BLOC1S2: variants seen among roughly 807,000 people sequenced by gnomAD.
BLOC1S2 encodes biogenesis of lysosomal organelles complex 1 subunit 2, also known as biogenesis of lysosome-related organelles complex 1 subunit 2.
In BLOC1S2, 12 loss-of-function variants were observed where a neutral mutation model predicts 19.6. The observed-to-expected ratio is 0.61, with a 90% CI of 0.39 to 0.99. BLOC1S2 has a LOEUF of 0.99. Ranked by LOEUF, BLOC1S2 falls within the 50% of genes least tolerant of loss-of-function variation. The pLI is 0.00. For missense variants in BLOC1S2, 142 were observed against 171.0 expected (o/e 0.83, Z 0.95); for synonymous variants, 66 against 64.1 (o/e 1.03, Z -0.14).
At chr10:100,281,693 A>AAATAT (rs71013438) in intron 2 of BLOC1S2, among the ~76,000 whole-genome samples, 44,927 of 138,370 alleles carry the variant, frequency 0.32, 8,083 homozygotes, top group Non-Finnish European at 0.4. Flanking sequence ...AAAAAAAAAA[A>AAATAT]ATATATATAT....
chr10:100,282,564 A>G lies in BLOC1S2; in HGVS notation c.173-1511T>C, dbSNP rs12256411. Among the ~76,000 whole-genome samples, 310 of 152,284 alleles carry G rather than the reference A, an allele frequency of 2.0e-3. 1 individual carries two copies. The highest frequency in any genetic ancestry group is 7.1e-3 in the African/African-American group (297 of 41,552). On this transcript the variant is annotated intron_variant, in intron 2 of 4. Transcript: ENST00000370372. ...TCTAATCTCTAACTGCTCTTCTTAG[A>G]TGTCTATGCCAGATGCTTTCTTATC... is the stretch of plus-strand genomic sequence containing the variant.
chr10:100,278,809 T>TAAAA (rs71013437), intron 4 of BLOC1S2, among the ~76,000 whole-genome samples: 1 of 137,788 alleles, frequency 7.3e-6, no homozygotes, highest in Non-Finnish European at 1.6e-5. Context: ...GAATGATCAA[T>TAAAA]AAAAAAAAAA....
intron 2 of BLOC1S2, 146 bp from the exon 3 acceptor site, chr10:100,281,199 C>A: frequency 1.1e-6 from 1 of 921,152 alleles, no homozygotes; most frequent in Admixed American, 2.8e-5. Context: ...ATTTATAACT[C>A]AGCCTATGTA....
intron 2 of BLOC1S2, among the ~76,000 whole-genome samples, chr10:100,283,668 C>G (rs1222182739): frequency 6.6e-6 from 1 of 152,032 alleles, no homozygotes; most frequent in African/African-American, 2.4e-5. Context: ...GTCAGGAGTT[C>G]AAGTCCAGCC....
chr10:100,274,460 AATG>A lies in BLOC1S2; in HGVS notation c.*999_*1001del, dbSNP rs1847802580. 6.6e-6 allele frequency: 1 copy of A among 152,478 alleles called. No homozygotes were observed. The highest frequency in any genetic ancestry group is 6.5e-5 in the Admixed American group (1 of 15,272). 9.4% of individuals were successfully genotyped at this position (152,478 alleles called of 1,614,324 possible). ...AACAGTCCAGGAAGAACAGAGGATA[AATG>A]ATGACTGTCTGGAACAGAGGGGAAA... On this transcript the variant is annotated 3_prime_UTR_variant, in exon 5 of 5. Transcript: ENST00000370372.
chr10:100,286,663 G>C lies in BLOC1S2; in HGVS notation c.-4C>G, dbSNP rs775132211. On this transcript the variant is annotated 5_prime_UTR_variant, in exon 1 of 5. Transcript: ENST00000370372. ...CGCCCTCGGCTGCCGCCGCCATAGC[G>C]GACCCCGCGCTGTTTCCGGGCCGGG... The C allele has an allele frequency of 8.7e-6, 14 of 1,610,098 alleles. No homozygotes were observed. Among genetic ancestry groups the C allele is most frequent in the African/African-American group, 1.3e-5 (1 of 74,950 alleles).
chr10:100,281,705 T>TATATACACACACAC (rs1370530311), intron 2 of BLOC1S2, among the ~76,000 whole-genome samples: 32 of 69,878 alleles, frequency 4.6e-4, no homozygotes, highest in South Asian at 1.2e-3. Flanking sequence ...TATATATATA[T>TATATACACACACAC]ACACATACAC....
intron 4 of BLOC1S2, among the ~76,000 whole-genome samples, chr10:100,278,232 C>T (rs1847994114): frequency 6.6e-6 from 1 of 151,618 alleles, no homozygotes; most frequent in African/African-American, 2.4e-5. Flanking sequence ...CCCCGCCTGG[C>T]CAGCCACCCG....
chr10:100,284,280 C>T (rs780367878), intron 2 of BLOC1S2, among the ~76,000 whole-genome samples: 3 of 152,226 alleles, frequency 2.0e-5, no homozygotes, highest in Non-Finnish European at 4.4e-5. Flanking sequence ...GGGCTAGTAG[C>T]GCCAAATCTT....
At chr10:100,277,456 T>TG (rs1185114726) in intron 4 of BLOC1S2, among the ~76,000 whole-genome samples, 7 of 112,302 alleles carry the variant, frequency 6.2e-5, no homozygotes, top group Non-Finnish European at 1.3e-4. Flanking sequence ...GGGAGGGAGG[T>TG]GGGGGGGTCA....
chr10:100,279,701 G>A (rs4919446), intron 4 of BLOC1S2, among the ~76,000 whole-genome samples: 75,423 of 151,470 alleles, frequency 0.5, 19,339 homozygotes, highest in African/African-American at 0.6. Context: ...CAACATGAGA[G>A]ACCCTGTCTC....
At chr10:100,279,280 T>C (rs867606280) in intron 4 of BLOC1S2, among the ~76,000 whole-genome samples, 22 of 152,248 alleles carry the variant, frequency 1.4e-4, no homozygotes, top group African/African-American at 4.8e-4. Flanking sequence ...ATCTACATTA[T>C]TAAAGGTGCT....
chr10:100,277,216 C>T lies in BLOC1S2; in HGVS notation c.398-1723G>A, dbSNP rs539893668. Among the ~76,000 whole-genome samples, 116 of 148,266 alleles carry T rather than the reference C, an allele frequency of 7.8e-4. No individual in the cohort carries two copies. The South Asian group carries it at 0.012, about 16-fold the overall frequency. On this transcript the variant is annotated intron_variant, in intron 4 of 4. Transcript: ENST00000370372. ...CGCCCCGTCTGAGAAGTGAGGAGAC[C>T]CTCCGCCTGGTAACCGCCCCGTCTG...
At chr10:100,282,067 T>C (rs1848123416) in intron 2 of BLOC1S2, among the ~76,000 whole-genome samples, 1 of 152,198 alleles carries the variant, frequency 6.6e-6, no homozygotes. Context: ...CCCCCTCCTC[T>C]TGTGGCCTTG....
At chr10:100,279,578 C>CA (rs981121981) in intron 4 of BLOC1S2, among the ~76,000 whole-genome samples, 39 of 150,404 alleles carry the variant, frequency 2.6e-4, no homozygotes, top group African/African-American at 4.1e-4. Flanking sequence ...ACTAAAAGTA[C>CA]AAAAAAAAAT....
intron 4 of BLOC1S2, among the ~76,000 whole-genome samples, chr10:100,276,565 T>C (rs1047035814): frequency 4.2e-4 from 63 of 150,954 alleles, no homozygotes; most frequent in African/African-American, 1.1e-3. Context: ...AAAGCTGGAC[T>C]GTACTGCTGC....
rs1220154007 is a variant in BLOC1S2, at chr10:100,274,913, G to A, written c.*549C>T. 2.5e-6 allele frequency: 1 copy of A among 398,318 alleles called. No individual in the cohort carries two copies. Among genetic ancestry groups the A allele is most frequent in the East Asian group, 3.6e-5 (1 of 28,030 alleles). The allele number at this position is 398,318 out of a possible 1,614,324, so 24.7% of individuals were successfully genotyped here. ...ATTTCTGCTCAATCTAGAAGACTCA[G>A]CTTGGAATTATTTTAAGATTTTATG... is the stretch of plus-strand genomic sequence containing the variant. On this transcript the variant is annotated 3_prime_UTR_variant, in exon 5 of 5. Transcript: ENST00000370372.
intron 4 of BLOC1S2, among the ~76,000 whole-genome samples, chr10:100,276,565 T>G (rs1047035814): frequency 1.3e-5 from 2 of 150,864 alleles, no homozygotes; most frequent in Non-Finnish European, 3.0e-5. Flanking sequence ...AAAGCTGGAC[T>G]GTACTGCTGC....
At chr10:100,281,794 A>G (rs1317259507) in intron 2 of BLOC1S2, among the ~76,000 whole-genome samples, 5 of 151,874 alleles carry the variant, frequency 3.3e-5, no homozygotes, top group African/African-American at 1.2e-4. Context: ...ATTACCATGT[A>G]TAATTCTATA....
Sources: gnomAD v4.1 joint callset for allele counts (sites outside exome capture counted in the v4.1 genomes callset) on GRCh38, gnomAD v4.1.1 for gene constraint, MANE v1.5 for transcripts, NCBI Gene and HGNC (gene_info 2026-07-23, HGNC 2026-07-21) for gene names.